LRP1B: variants seen among roughly 807,000 people sequenced by gnomAD.
LRP1B encodes low-density lipoprotein receptor-related protein 1B.
Under a neutral mutation model 556.6 loss-of-function variants are expected in LRP1B, and 217 were observed. That is an observed-to-expected ratio of 0.39 (90% CI 0.35 to 0.44). LRP1B has a LOEUF of 0.44. Among genes scored for constraint, LRP1B ranks in the 20% least tolerant of loss-of-function variants. The pLI is 1.00. For missense variants in LRP1B, 5,053 were observed against 5,620.8 expected (o/e 0.90, Z 3.23); for synonymous variants, 2,047 against 1,865.8 (o/e 1.10, Z -2.50).
At chr2:141,548,490 A>G (rs1304482237) in intron 2 of LRP1B, among the ~76,000 whole-genome samples, 5 of 152,214 alleles carry the variant, frequency 3.3e-5, no homozygotes, top group African/African-American at 9.6e-5. Context: ...CTTGCTTGCT[A>G]GCTACCCAAA....
At chr2:140,378,699 C>A (rs1683344211) in intron 67 of LRP1B, among the ~76,000 whole-genome samples, 1 of 152,162 alleles carries the variant, frequency 6.6e-6, no homozygotes, top group Non-Finnish European at 1.5e-5. Flanking sequence ...TTATTATTAA[C>A]TGGGCAGTGA....
chr2:141,031,486 C>T (rs998564013), intron 11 of LRP1B, among the ~76,000 whole-genome samples: 1 of 151,898 alleles, frequency 6.6e-6, no homozygotes, highest in Non-Finnish European at 1.5e-5. Flanking sequence ...TGATATTTCT[C>T]TTTTGCTTCA....
chr2:141,652,380 G>A (rs1294018726), intron 2 of LRP1B, among the ~76,000 whole-genome samples: 1 of 152,118 alleles, frequency 6.6e-6, no homozygotes, highest in African/African-American at 2.4e-5. Context: ...TTTATCCCAG[G>A]CCTTGTTTTG....
chr2:140,791,623 T>TA (rs1429072420), intron 32 of LRP1B, among the ~76,000 whole-genome samples: 3 of 152,148 alleles, frequency 2.0e-5, no homozygotes, highest in South Asian at 4.1e-4. Context: ...TATGTCTATA[T>TA]TTTTTAGTAA....
At chr2:140,544,608 A>G (rs1244750948) in intron 43 of LRP1B, among the ~76,000 whole-genome samples, 1 of 152,132 alleles carries the variant, frequency 6.6e-6, no homozygotes, top group Non-Finnish European at 1.5e-5. Context: ...TTTGCTAAAG[A>G]TAATGTCCTC....
intron 7 of LRP1B, among the ~76,000 whole-genome samples, chr2:141,137,743 G>C (rs1407769717): frequency 6.6e-6 from 1 of 151,834 alleles, no homozygotes; most frequent in Non-Finnish European, 1.5e-5. Flanking sequence ...GGGCAATGTT[G>C]GTATTTGAAC....
chr2:141,590,163 AAAAC>A (rs1158994510), intron 2 of LRP1B, among the ~76,000 whole-genome samples: 2 of 152,156 alleles, frequency 1.3e-5, no homozygotes, highest in South Asian at 2.1e-4. Context: ...TTCACAGCCT[AAAAC>A]AAACAATTAT....
intron 3 of LRP1B, among the ~76,000 whole-genome samples, chr2:141,322,283 G>C (rs1383018629): frequency 6.6e-6 from 1 of 151,944 alleles, no homozygotes; most frequent in Non-Finnish European, 1.5e-5. Context: ...TTCTAATACA[G>C]AGTACTATAG....
chr2:141,872,046 A>C (rs971803638), intron 1 of LRP1B, among the ~76,000 whole-genome samples: 1 of 151,948 alleles, frequency 6.6e-6, no homozygotes, highest in Non-Finnish European at 1.5e-5. Context: ...TCTCAGAATA[A>C]GACATGTCTC....
At chr2:140,339,797 T>G (rs192388201) in intron 77 of LRP1B, among the ~76,000 whole-genome samples, 1 of 151,514 alleles carries the variant, frequency 6.6e-6, no homozygotes, top group East Asian at 1.9e-4. Context: ...AAATCCTAAG[T>G]GAACTAAGAA....
At chr2:141,912,736 T>C (rs1699936399) in intron 1 of LRP1B, among the ~76,000 whole-genome samples, 1 of 152,162 alleles carries the variant, frequency 6.6e-6, no homozygotes, top group African/African-American at 2.4e-5. Context: ...AGAAGGAAAG[T>C]TCATCTTTTT....
chr2:140,700,757 T>C (rs958082758), intron 40 of LRP1B, 136 bp from the exon 41 acceptor site: 20 of 856,800 alleles, frequency 2.3e-5, no homozygotes, highest in Admixed American at 1.4e-4. Context: ...AGCTGGTCAA[T>C]AAAAAATTAA....
intron 17 of LRP1B, among the ~76,000 whole-genome samples, chr2:140,985,709 C>T (rs576544002): frequency 1.8e-4 from 27 of 151,856 alleles, no homozygotes; most frequent in African/African-American, 5.3e-4. Context: ...TTCACTTCGC[C>T]GCATCCTGGA....
intron 33 of LRP1B, among the ~76,000 whole-genome samples, chr2:140,771,781 T>C (rs1238755700): frequency 6.6e-6 from 1 of 152,232 alleles, no homozygotes; most frequent in East Asian, 1.9e-4. Flanking sequence ...TTTTACATCT[T>C]TTTTTATTAT....
chr2:140,659,101 T>TG (rs1407598219), intron 41 of LRP1B, among the ~76,000 whole-genome samples: 5 of 119,972 alleles, frequency 4.2e-5, no homozygotes, highest in Non-Finnish European at 8.6e-5. Context: ...TAAATCTGTT[T>TG]TTTTTTTTTT....
intron 1 of LRP1B, among the ~76,000 whole-genome samples, chr2:142,025,472 T>C (rs1703473362): frequency 2.0e-5 from 3 of 152,140 alleles, no homozygotes; most frequent in Admixed American, 2.0e-4. Flanking sequence ...GAAATTTGAA[T>C]CTAGGTATCC....
intron 1 of LRP1B, among the ~76,000 whole-genome samples, chr2:142,126,795 G>A (rs971569285): frequency 6.6e-6 from 1 of 151,292 alleles, no homozygotes; most frequent in South Asian, 2.1e-4. Context: ...TATATAGAAT[G>A]GAGAAAAGAC....
intron 3 of LRP1B, among the ~76,000 whole-genome samples, chr2:141,427,361 A>G (rs1322154798): frequency 2.0e-5 from 3 of 152,214 alleles, no homozygotes; most frequent in Admixed American, 2.0e-4. Context: ...AATTTTAAAA[A>G]GTTCAGACTA....
intron 19 of LRP1B, among the ~76,000 whole-genome samples, chr2:140,950,758 C>T (rs1695689920): frequency 6.6e-6 from 1 of 151,950 alleles, no homozygotes; most frequent in Admixed American, 6.6e-5. Context: ...TCCCAAAATA[C>T]TGGGGTTATA....
Sources: allele counts gnomAD v4.1 joint callset (sites outside exome capture counted in the v4.1 genomes callset), GRCh38; gene constraint gnomAD v4.1.1; transcripts MANE v1.5; gene names NCBI Gene and HGNC (gene_info 2026-07-23, HGNC 2026-07-21).